Variants in EXOC4 observed in about 807,000 individuals in gnomAD.
EXOC4 encodes the protein SEC8-like 1.
A neutral mutation model predicts 107.2 loss-of-function variants in EXOC4; 71 were observed. The observed-to-expected ratio is 0.66, with a 90% CI of 0.55 to 0.81. EXOC4 has a LOEUF of 0.81. Among genes scored for constraint, EXOC4 ranks in the 30% least tolerant of loss-of-function variants. The probability of loss-of-function intolerance (pLI) is 0.00; values close to 1 mark genes in which losing one functional copy is unlikely to be tolerated. For synonymous variants in EXOC4, 456 were observed against 441.2 expected, an observed-to-expected ratio of 1.03 and a Z score of -0.42; for missense variants, 1,108 against 1,189.6, an observed-to-expected ratio of 0.93 and a Z score of 1.01.
intron 11 of EXOC4, among the ~76,000 whole-genome samples, chr7:133,894,535 C>T (rs1447755722): frequency 2.3e-5 from 2 of 88,604 alleles, no homozygotes; most frequent in African/African-American, 2.1e-4. Flanking sequence ...TTTTTCTGTT[C>T]TGTTTTTTCC....
chr7:133,367,837 T>G (rs1014676692), intron 6 of EXOC4, among the ~76,000 whole-genome samples: 13 of 151,860 alleles, frequency 8.6e-5, no homozygotes, highest in African/African-American at 2.9e-4. Flanking sequence ...AAAGAGTGGC[T>G]GTTATGACCA....
the EXOC4 span, among the ~76,000 whole-genome samples, chr7:134,073,961 G>A: frequency 6.6e-6 from 1 of 152,204 alleles, no homozygotes; most frequent in Non-Finnish European, 1.5e-5. Context: ...CCCTCCACAG[G>A]CAGAGTCTTT....
At chr7:133,401,666 A>G (rs897205608) in intron 7 of EXOC4, among the ~76,000 whole-genome samples, 2 of 149,276 alleles carry the variant, frequency 1.3e-5, no homozygotes, top group Non-Finnish European at 3.0e-5. Flanking sequence ...AAAAAAAAAG[A>G]AAAAAAAGAT....
intron 17 of EXOC4, among the ~76,000 whole-genome samples, chr7:134,059,529 C>T (rs1024982220): frequency 1.2e-4 from 18 of 152,152 alleles, no homozygotes; most frequent in African/African-American, 4.1e-4. Flanking sequence ...GAGTTAGATG[C>T]TGCCCATATG....
At chr7:133,339,929 G>T (rs1321547488) in intron 5 of EXOC4, among the ~76,000 whole-genome samples, 1 of 152,092 alleles carries the variant, frequency 6.6e-6, no homozygotes, top group African/African-American at 2.4e-5. Context: ...GGTTTTCTAG[G>T]TATGTGATCA....
intron 9 of EXOC4, among the ~76,000 whole-genome samples, chr7:133,597,267 T>C (rs568062080): frequency 1.3e-5 from 2 of 152,230 alleles, no homozygotes; most frequent in South Asian, 4.1e-4. Flanking sequence ...CATAGAATCC[T>C]TGGAGGCTGG....
At chr7:134,019,726 G>T (rs1794987610) in intron 17 of EXOC4, among the ~76,000 whole-genome samples, 1 of 152,052 alleles carries the variant, frequency 6.6e-6, no homozygotes, top group African/African-American at 2.4e-5. Context: ...CTACCATTTT[G>T]GTCAATGTTG....
intron 11 of EXOC4, among the ~76,000 whole-genome samples, chr7:133,852,951 G>A (rs975860377): frequency 2.0e-5 from 3 of 152,022 alleles, no homozygotes; most frequent in East Asian, 3.9e-4. Context: ...ATGCACAATC[G>A]GGCATCTCTG....
rs917756397 is a variant in EXOC4 at position 133,718,077 on chromosome 7, G to T, written c.1514+87936G>T. Among the ~76,000 whole-genome samples the T allele has an allele frequency of 5.3e-5, 8 of 152,302 alleles. No homozygotes were observed. The South Asian group carries it at 1.5e-3, about 28-fold the overall frequency. On this transcript the variant is annotated intron_variant, in intron 10 of 17. Coordinates refer to ENST00000253861, the MANE Select transcript of EXOC4 (RefSeq NM_021807.4). Reference sequence around the variant, plus strand: ...TTCCATCTAAGTCTCCATTCATCATGCACCAGAGTTCAACACTGATTGCCC... The same window carrying T: ...TTCCATCTAAGTCTCCATTCATCATTCACCAGAGTTCAACACTGATTGCCC...
the EXOC4 span, among the ~76,000 whole-genome samples, chr7:134,083,181 G>A: frequency 6.6e-6 from 1 of 152,122 alleles, no homozygotes; most frequent in Admixed American, 6.5e-5. Flanking sequence ...GACAAGGGAG[G>A]TTCCTACCTG....
intron 7 of EXOC4, among the ~76,000 whole-genome samples, chr7:133,448,043 A>G (rs556883793): frequency 2.0e-5 from 3 of 152,356 alleles, no homozygotes; most frequent in African/African-American, 4.8e-5. Flanking sequence ...TAAAGAAAGA[A>G]CAACACTGCT....
intron 17 of EXOC4, chr7:134,009,927 G>A (rs1047761655): frequency 6.6e-6 from 1 of 152,172 alleles, no homozygotes; most frequent in Non-Finnish European, 1.5e-5. Context: ...TGCCGATGAA[G>A]CATTTCTTCA....
intron 7 of EXOC4, among the ~76,000 whole-genome samples, chr7:133,405,442 G>A (rs949323122): frequency 6.6e-6 from 1 of 152,046 alleles, no homozygotes; most frequent in Non-Finnish European, 1.5e-5. Context: ...ATGGATATAA[G>A]TATTATCAAA....
chr7:133,917,547 A>G (rs1437042116), intron 12 of EXOC4, 36 bp from the exon 13 acceptor site: 4 of 1,604,024 alleles, frequency 2.5e-6, no homozygotes, highest in Non-Finnish European at 3.4e-6. Flanking sequence ...ACCAGGCATC[A>G]TGCTACAGTG....
chr7:133,716,809 G>A (rs758315840), intron 10 of EXOC4, among the ~76,000 whole-genome samples: 2 of 151,982 alleles, frequency 1.3e-5, no homozygotes, highest in Non-Finnish European at 2.9e-5. Flanking sequence ...GTGTGGTGGT[G>A]CGCACCTGTA....
chr7:134,081,157 A>G, the EXOC4 span, among the ~76,000 whole-genome samples: 2 of 152,210 alleles, frequency 1.3e-5, no homozygotes, highest in East Asian at 3.9e-4. Context: ...AGCCTGGCCA[A>G]CGTGGCACAA....
At chr7:133,514,346 T>C (rs1799832358) in intron 9 of EXOC4, among the ~76,000 whole-genome samples, 1 of 152,140 alleles carries the variant, frequency 6.6e-6, no homozygotes, top group Non-Finnish European at 1.5e-5. Flanking sequence ...ATATTTTTAG[T>C]AGAGACGGAG....
At chr7:133,512,385 C>T (rs1430566002) in intron 9 of EXOC4, among the ~76,000 whole-genome samples, 1 of 151,716 alleles carries the variant, frequency 6.6e-6, no homozygotes, top group Admixed American at 6.6e-5. Flanking sequence ...GCCGAGATTG[C>T]GCCACTGCAC....
At chr7:133,277,780 G>T (rs1794031133) in intron 2 of EXOC4, among the ~76,000 whole-genome samples, 1 of 152,170 alleles carries the variant, frequency 6.6e-6, no homozygotes, top group Non-Finnish European at 1.5e-5. Flanking sequence ...GGGGGAGAAT[G>T]AAAATGAATT....
Sources: gnomAD v4.1 joint callset for allele counts (sites outside exome capture counted in the v4.1 genomes callset) on GRCh38, gnomAD v4.1.1 for gene constraint, MANE v1.5 for transcripts, NCBI Gene and HGNC (gene_info 2026-07-23, HGNC 2026-07-21) for gene names.